The following GAA variants were observed in gnomAD, a reference collection of about 807,000 sequenced individuals.
GAA encodes alpha glucosidase, also known as lysosomal alpha-glucosidase.
Under a neutral mutation model 103.9 loss-of-function variants are expected in GAA, and 88 were observed. That is an observed-to-expected ratio of 0.85 (90% CI 0.71 to 1.01). The LOEUF is 1.01. GAA is among the 50% of genes least tolerant of loss of function. The pLI, the probability that GAA is intolerant of heterozygous loss-of-function variation, is 0.00. For synonymous variants in GAA, 572 were observed against 563.1 expected (o/e 1.02, Z -0.22); for missense variants, 1,350 against 1,305.3 (o/e 1.03, Z -0.53).
In GAA at chr17:80,105,019, G is replaced by A. The variant is rs2143828679; in HGVS notation, c.433G>A (p.Glu145Lys). 1 of 1,612,928 alleles carries A rather than the reference G, an allele frequency of 6.2e-7. No homozygotes were observed. The highest frequency in any genetic ancestry group is 8.5e-7 in the Non-Finnish European group (1 of 1,180,018). The change falls in exon 2 of 20, where the codon GAA becomes AAA. Residue 145 changes from glutamate (E) to lysine (K), a missense_variant. Physicochemically the swap from Glu to Lys is moderately conservative, Grantham distance 56 (BLOSUM62 1). Coordinates refer to ENST00000302262, the MANE Select transcript of GAA (RefSeq NM_000152.5). ...SYKLENLSSS[E>K]MGYTATLTRT... ...CAAGCTGGAGAACCTGAGCTCCTCT[G>A]AAATGGGCTACACGGCCACCCTGAC...
intron 11 of GAA, 68 bp downstream of exon 11, chr17:80,111,093 A>T: frequency 6.9e-7 from 1 of 1,449,136 alleles, no homozygotes; most frequent in Non-Finnish European, 9.5e-7. Flanking sequence ...GGCCTGGGAG[A>T]CTTAGCACCC....
At chr17:80,114,529 G>A (rs2039320875) in intron 15 of GAA, among the ~76,000 whole-genome samples, 1 of 150,634 alleles carries the variant, frequency 6.6e-6, no homozygotes, top group South Asian at 2.1e-4. Flanking sequence ...AAAAAGCTTT[G>A]CTTCTATGTG....
At chr17:80,114,630 A>G (rs1343878350) in intron 15 of GAA, among the ~76,000 whole-genome samples, 1 of 150,496 alleles carries the variant, frequency 6.6e-6, no homozygotes, top group Non-Finnish European at 1.5e-5. Flanking sequence ...GCCTTATTCA[A>G]TTATCTTTTA....
intron 8 of GAA, among the ~76,000 whole-genome samples, chr17:80,109,356 G>A (rs187534497): frequency 0.01 from 1,533 of 152,342 alleles, 8 homozygotes; most frequent in Middle Eastern, 0.048. Flanking sequence ...CCAGCACAAA[G>A]AGGCCCTTCC....
intron 11 of GAA, 108 bp from the exon 12 acceptor site, chr17:80,111,875 G>A (rs911905037): frequency 3.4e-6 from 3 of 889,796 alleles, no homozygotes; most frequent in African/African-American, 1.6e-5. Context: ...GGGCCAGCCT[G>A]AAGAGGCAGC....
intron 12 of GAA, 109 bp downstream of exon 12, chr17:80,112,209 C>T (rs1042451952): frequency 2.2e-5 from 25 of 1,137,328 alleles, no homozygotes; most frequent in Middle Eastern, 1.9e-4. Context: ...CCAGACCACC[C>T]GGGGCCCGCT....
chr17:80,115,099 G>A (rs1001815470), intron 15 of GAA, among the ~76,000 whole-genome samples: 4 of 151,952 alleles, frequency 2.6e-5, no homozygotes, highest in African/African-American at 7.3e-5. Flanking sequence ...CTTCTTGGAC[G>A]TATGCATTGA....
Position 80,113,001 on chromosome 17 carries a change from C to A in GAA, c.2014C>A (p.Arg672=). 3.7e-6 allele frequency: 6 copies of A among 1,610,488 alleles called. No homozygotes were observed. Among genetic ancestry groups the A allele is most frequent in the Non-Finnish European group, 5.1e-6 (6 of 1,179,060 alleles). The change falls in exon 14 of 20, where the codon CGG becomes AGG. Residue 672 remains arginine (R), a synonymous_variant. Coordinates refer to ENST00000302262, the MANE Select transcript of GAA (RefSeq NM_000152.5). ...GCTGGGGGCCTTCTACCCCTTCATGCGGAACCACAACAGCCTGCTCAGTCT... is the reference window on the plus strand; with the variant it reads ...GCTGGGGGCCTTCTACCCCTTCATGAGGAACCACAACAGCCTGCTCAGTCT... ...TQLGAFYPFM[R]NHNSLLSLPQ...
At chr17:80,103,278 C>T (rs1002770109) in intron 1 of GAA, among the ~76,000 whole-genome samples, 2 of 152,196 alleles carry the variant, frequency 1.3e-5, no homozygotes, top group Non-Finnish European at 2.9e-5. Flanking sequence ...CTCCAAGGCC[C>T]GTTCCTCAGA....
intron 3 of GAA, among the ~76,000 whole-genome samples, chr17:80,106,590 C>G (rs1205252438): frequency 1.3e-5 from 2 of 152,154 alleles, no homozygotes; most frequent in African/African-American, 4.8e-5. Context: ...CTGAGCTGAC[C>G]TCTGAGTAGA....
intron 15 of GAA, among the ~76,000 whole-genome samples, chr17:80,115,441 A>C (rs2143910922): frequency 6.6e-6 from 1 of 152,292 alleles, no homozygotes; most frequent in African/African-American, 2.4e-5. Flanking sequence ...TCTCTCGTTA[A>C]GGATATTCCC....
chr17:80,111,986 T>C lies in GAA; in HGVS notation c.1640T>C (p.Val547Ala), dbSNP rs2039245955. The change falls in exon 12 of 20, where the codon GTG becomes GCG. Residue 547 changes from valine (V) to alanine (A), a missense_variant. Val to Ala is a moderately conservative substitution (Grantham distance 64). Coordinates refer to ENST00000302262, the MANE Select transcript of GAA (RefSeq NM_000152.5). ...AACCAGCCCCCGCCTCTTCCAGGGG[T>C]GGTTGGGGGGACCCTCCAGGCGGCC... ...ELENPPYVPGVVGGTLQAATI... is the reference protein window; with the variant it reads ...ELENPPYVPGAVGGTLQAATI... The C allele has an allele frequency of 1.2e-6, 2 of 1,613,064 alleles. No homozygotes were observed. Among genetic ancestry groups the C allele is most frequent in the South Asian group, 2.2e-5 (2 of 91,076 alleles).
Position 80,117,087 on chromosome 17 carries a change from G to T in GAA, c.2309G>T (p.Gly770Val). ...KAEVTGYFPL[G>V]TWYDLQTVPV... ...GAAGTGACTGGCTACTTCCCCTTGGGCACATGGTACGACCTGCAGACGGTG... is the reference window on the plus strand; with the variant it reads ...GAAGTGACTGGCTACTTCCCCTTGGTCACATGGTACGACCTGCAGACGGTG... Residue 770 changes from glycine (G) to valine (V), a missense_variant, in exon 16 of 20, where the codon GGC (glycine) becomes GTC (valine). Physicochemically the swap from Gly to Val is moderately radical, Grantham distance 109. Coordinates refer to ENST00000302262, the MANE Select transcript of GAA (RefSeq NM_000152.5). 6.2e-7 allele frequency: 1 copy of T among 1,613,068 alleles called. No individual in the cohort carries two copies. Among genetic ancestry groups the T allele is most frequent in the Non-Finnish European group, 8.5e-7 (1 of 1,180,018 alleles).
In GAA at chr17:80,104,917, A is replaced by T. The variant is rs1327721521; in HGVS notation, c.331A>T (p.Ile111Phe). ...GTGCGAGGCCCGCGGCTGTTGCTAC[A>T]TCCCTGCAAAGCAGGGGCTGCAGGG... ...EQCEARGCCY[I>F]PAKQGLQGAQ... Residue 111 changes from isoleucine (I) to phenylalanine (F), a missense_variant, in exon 2 of 20, where the codon ATC becomes TTC. Transcript: ENST00000302262. The surrounding 1 kb of genome is among the most constrained non-coding windows in gnomAD (Gnocchi z 4.0). 32 of 1,612,390 alleles carry T rather than the reference A, an allele frequency of 2.0e-5. No individual in the cohort carries two copies. Among genetic ancestry groups the T allele is most frequent in the Non-Finnish European group, 2.6e-5 (31 of 1,179,786 alleles).
chr17:80,107,470 A>G, intron 3 of GAA, 87 bp from the exon 4 acceptor site: 1 of 1,563,106 alleles, frequency 6.4e-7, no homozygotes, highest in Non-Finnish European at 8.8e-7. Flanking sequence ...CTCCCAGGGC[A>G]CCAGGGCCCG....
In GAA at chr17:80,118,367, G is replaced by A; in HGVS notation, c.2646+10G>A. On this transcript the variant is annotated intron_variant, in intron 18 of 19. Coordinates refer to ENST00000302262, the MANE Select transcript of GAA (RefSeq NM_000152.5). Reference sequence around the variant, plus strand: ...CTTCCTGGCCAGGAATGTGAGTCCTGGGGCTGCTCAGGCTGGTGGGCAGGG... The same window carrying A: ...CTTCCTGGCCAGGAATGTGAGTCCTAGGGCTGCTCAGGCTGGTGGGCAGGG... The A allele has an allele frequency of 6.4e-7, 1 of 1,561,264 alleles. No individual in the cohort carries two copies. Among genetic ancestry groups the A allele is most frequent in the East Asian group, 2.3e-5 (1 of 44,430 alleles).
intron 11 of GAA, among the ~76,000 whole-genome samples, chr17:80,111,275 C>T (rs1159275213): frequency 5.3e-5 from 8 of 152,286 alleles, no homozygotes; most frequent in African/African-American, 1.4e-4. Context: ...ACAGTGAGGC[C>T]GACTCGACTC....
In GAA at chr17:80,118,254, C is replaced by T. The variant is rs1473161681; in HGVS notation, c.2543C>T (p.Thr848Ile). The T allele has an allele frequency of 6.2e-7, 1 of 1,611,992 alleles. No individual in the cohort carries two copies. The highest frequency in any genetic ancestry group is 1.1e-5 in the South Asian group (1 of 90,832). ...CCCATGGCCCTGGCTGTGGCCCTGA[C>T]CAAGGGTGGGGAGGCCCGAGGGGAG... ...QQPMALAVAL[T>I]KGGEARGELF... The change falls in exon 18 of 20, where the codon ACC (threonine) becomes ATC (isoleucine). Residue 848 changes from threonine to isoleucine, a missense_variant. Thr to Ile is a moderately conservative substitution (Grantham distance 89, BLOSUM62 -1). Transcript: ENST00000302262.
At chr17:80,103,781 T>C (rs2039007456) in intron 1 of GAA, among the ~76,000 whole-genome samples, 1 of 152,170 alleles carries the variant, frequency 6.6e-6, no homozygotes, top group African/African-American at 2.4e-5. Context: ...TTAAGTCCTT[T>C]CTCTCTTGTG....
Sources: allele counts gnomAD v4.1 joint callset (sites outside exome capture counted in the v4.1 genomes callset), GRCh38; gene constraint gnomAD v4.1.1; non-coding constraint Gnocchi (gnomAD v3.1); transcripts MANE v1.5; gene names NCBI Gene and HGNC (gene_info 2026-07-23, HGNC 2026-07-21).